The following LARGE1 variants were observed in gnomAD, a reference collection of about 807,000 sequenced individuals.
The protein encoded by LARGE1 is xylosyl- and glucuronyltransferase LARGE1.
A neutral mutation model predicts 87.6 loss-of-function variants in LARGE1; 43 were observed. The observed-to-expected ratio is 0.49, with a 90% CI of 0.38 to 0.63. LARGE1 has a LOEUF of 0.63. LARGE1 is among the 30% of genes least tolerant of loss of function. The pLI is 0.00. For synonymous variants in LARGE1, 434 were observed against 394.6 expected (o/e 1.10, Z -1.18); for missense variants, 802 against 1,000.2 (o/e 0.80, Z 2.67).
At chr22:33,679,095 C>T (rs993150315) in intron 2 of LARGE1, among the ~76,000 whole-genome samples, 1 of 152,180 alleles carries the variant, frequency 6.6e-6, no homozygotes, top group Non-Finnish European at 1.5e-5. Flanking sequence ...TCTATCTCTG[C>T]CATTAAAATA....
chr22:33,694,005 C>G (rs567400674), intron 2 of LARGE1, among the ~76,000 whole-genome samples: 1 of 152,332 alleles, frequency 6.6e-6, no homozygotes, highest in East Asian at 1.9e-4. Context: ...GGAGCAGTAT[C>G]TGCTCACAGT....
chr22:33,209,219 T>G (rs943105236), intron 11 of LARGE1, among the ~76,000 whole-genome samples: 2 of 152,238 alleles, frequency 1.3e-5, no homozygotes, highest in African/African-American at 4.8e-5. Flanking sequence ...TTAACAACTA[T>G]GTATTAAGCC....
intron 6 of LARGE1, among the ~76,000 whole-genome samples, chr22:33,546,825 C>T (rs2077372651): frequency 6.6e-6 from 1 of 152,164 alleles, no homozygotes; most frequent in African/African-American, 2.4e-5. Flanking sequence ...CTCAGGTTAT[C>T]CGCCCACCTT....
chr22:33,296,549 T>C (rs1042166912), intron 12 of LARGE1, among the ~76,000 whole-genome samples: 6 of 151,180 alleles, frequency 4.0e-5, no homozygotes, highest in African/African-American at 1.5e-4. Context: ...GAGCCAGTTA[T>C]CCTTTTTCTT....
chr22:33,212,347 G>A (rs1266249487), intron 11 of LARGE1, among the ~76,000 whole-genome samples: 3 of 152,172 alleles, frequency 2.0e-5, no homozygotes, highest in Non-Finnish European at 4.4e-5. Flanking sequence ...TTCTGTCTGT[G>A]CTTTATAAAT....
chr22:33,254,607 G>A (rs1218923360), intron 11 of LARGE1, among the ~76,000 whole-genome samples: 1 of 152,172 alleles, frequency 6.6e-6, no homozygotes, highest in Non-Finnish European at 1.5e-5. Flanking sequence ...CTTACAAGCT[G>A]TGTGACCCTG....
chr22:33,686,889 G>T (rs1475699767), intron 2 of LARGE1, among the ~76,000 whole-genome samples: 1 of 152,196 alleles, frequency 6.6e-6, no homozygotes, highest in African/African-American at 2.4e-5. Context: ...TTAACAAGCT[G>T]TCTTCTATTT....
At chr22:33,913,906 G>A (rs2065709865) in intron 1 of LARGE1, among the ~76,000 whole-genome samples, 1 of 152,082 alleles carries the variant, frequency 6.6e-6, no homozygotes, top group African/African-American at 2.4e-5. Flanking sequence ...TCATGATTGT[G>A]TTCATCAAAT....
chr22:33,425,002 G>A (rs376502572), intron 7 of LARGE1, among the ~76,000 whole-genome samples: 32 of 152,108 alleles, frequency 2.1e-4, no homozygotes, highest in African/African-American at 6.5e-4. Context: ...GGCAGCTCAC[G>A]CCTGTAATCC....
intron 6 of LARGE1, among the ~76,000 whole-genome samples, chr22:33,529,633 G>A (rs1420113912): frequency 6.6e-6 from 1 of 152,194 alleles, no homozygotes. Flanking sequence ...TCCCATCTGT[G>A]AAACGAAGGC....
chr22:33,292,441 T>G (rs1271610654), intron 12 of LARGE1, among the ~76,000 whole-genome samples: 2 of 151,374 alleles, frequency 1.3e-5, no homozygotes, highest in Non-Finnish European at 2.9e-5. Flanking sequence ...TACTGGGGGG[T>G]TTGGGGGGCA....
chr22:33,727,901 C>G (rs1249728779), intron 2 of LARGE1, among the ~76,000 whole-genome samples: 3 of 151,990 alleles, frequency 2.0e-5, no homozygotes, highest in Non-Finnish European at 4.4e-5. Context: ...AGAGCAGGGC[C>G]AGCATTAAAG....
chr22:33,728,008 T>C (rs1182395008), intron 2 of LARGE1, among the ~76,000 whole-genome samples: 2 of 152,208 alleles, frequency 1.3e-5, no homozygotes, highest in South Asian at 2.1e-4. Flanking sequence ...AGCCCTGATA[T>C]CAAAGGCCAA....
chr22:33,457,203 C>T (rs1321826427), intron 6 of LARGE1, among the ~76,000 whole-genome samples: 1 of 151,216 alleles, frequency 6.6e-6, no homozygotes, highest in Non-Finnish European at 1.5e-5. Flanking sequence ...TCTTGGCTCA[C>T]TGAAACCTCT....
chr22:33,862,208 C>CA (rs1322831778), intron 1 of LARGE1, among the ~76,000 whole-genome samples: 1 of 152,100 alleles, frequency 6.6e-6, no homozygotes, highest in Non-Finnish European at 1.5e-5. Context: ...CTCGAGAGCT[C>CA]ACGGCAAGTG....
chr22:33,132,281 G>A, the LARGE1 span, among the ~76,000 whole-genome samples: 11 of 151,950 alleles, frequency 7.2e-5, no homozygotes, highest in East Asian at 1.9e-4. Flanking sequence ...CCTTTCTGGC[G>A]CAAGGGATCC....
chr22:33,552,747 A>G (rs62227063), intron 6 of LARGE1, among the ~76,000 whole-genome samples: 9,417 of 152,326 alleles, frequency 0.062, 435 homozygotes, highest in Non-Finnish European at 0.096. Context: ...CCAGGAGAAA[A>G]AGACCATCTG....
At position 33,662,076 on chromosome 22, in the gene LARGE1, C is replaced by CAAA. The variant is rs34470280; in HGVS notation, c.107-11411_107-11409dup. Among the ~76,000 whole-genome samples the CAAA allele has an allele frequency of 3.6e-3, 198 of 54,798 alleles. 4 individuals carry two copies. Among genetic ancestry groups the CAAA allele is most frequent in the African/African-American group, 0.012 (171 of 14,048 alleles). 35.9% of individuals were successfully genotyped at this position (54,798 alleles called of 152,430 possible). On this transcript the variant is annotated intron_variant, in intron 2 of 14. Coordinates refer to ENST00000397394, the MANE Select transcript of LARGE1 (RefSeq NM_133642.5). The stretch of plus-strand genomic sequence containing the variant: ...CTAACACTAAGGACAGCTTAGGAGC[C>CAAA]AAAAAAAAAAAAAAAAAAAAAAAGG...
At chr22:33,413,439 A>G (rs1327980906) in intron 7 of LARGE1, among the ~76,000 whole-genome samples, 1 of 151,946 alleles carries the variant, frequency 6.6e-6, no homozygotes, top group African/African-American at 2.4e-5. Context: ...CATAGGCATC[A>G]TTACTGGGGG....
Sources: gnomAD v4.1 joint callset for allele counts (sites outside exome capture counted in the v4.1 genomes callset) on GRCh38, gnomAD v4.1.1 for gene constraint, MANE v1.5 for transcripts, NCBI Gene and HGNC (gene_info 2026-07-23, HGNC 2026-07-21) for gene names.